The following ANKRD10 variants were observed in gnomAD, a reference collection of about 807,000 sequenced individuals.
ANKRD10 encodes ankyrin repeat domain-containing protein 10.
Under a neutral mutation model 27.0 loss-of-function variants are expected in ANKRD10, and 14 were observed. The observed-to-expected ratio is 0.52, with a 90% CI of 0.34 to 0.81. The LOEUF (loss-of-function observed/expected upper bound fraction) is 0.81, where lower values mean the gene tolerates loss of function less well. Ranked by LOEUF, ANKRD10 falls within the 40% of genes least tolerant of loss-of-function variation. The pLI, the probability that ANKRD10 is intolerant of heterozygous loss-of-function variation, is 0.01. For synonymous variants in ANKRD10, 250 were observed against 224.5 expected (o/e 1.11, Z -1.01); for missense variants, 493 against 544.0 (o/e 0.91, Z 0.93).
intron 3 of ANKRD10, among the ~76,000 whole-genome samples, chr13:110,893,612 C>A (rs1049842179): frequency 2.6e-5 from 4 of 152,204 alleles, no homozygotes; most frequent in African/African-American, 7.2e-5. Context: ...AATTTTAATA[C>A]CCATTCCTTT....
chr13:110,914,238 G>T (rs1460082855), intron 1 of ANKRD10, among the ~76,000 whole-genome samples: 3 of 152,152 alleles, frequency 2.0e-5, no homozygotes, highest in Non-Finnish European at 4.4e-5. Flanking sequence ...CCAGAAGGTC[G>T]ACCGCGCCCG....
Position 110,914,414 on chromosome 13 carries a change from G to A in ANKRD10, c.210+311C>T, listed in dbSNP as rs189871095. 2.4e-3 allele frequency: 521 copies of A among 218,894 alleles called. 2 individuals are homozygous for A. Among genetic ancestry groups the A allele is most frequent in the Non-Finnish European group, 3.7e-3 (410 of 112,176 alleles). The allele number at this position is 218,894 out of a possible 1,614,324, so 13.6% of individuals were successfully genotyped here. ...CGCTCGCACAGGATCCGGCCAACAG[G>A]CGCCGGGACCCTTGGAGCCCGCCTT... On this transcript the variant is annotated intron_variant, in intron 1 of 5. Transcript: ENST00000267339.
At chr13:110,901,703 C>T (rs2065385007) in intron 3 of ANKRD10, among the ~76,000 whole-genome samples, 2 of 152,222 alleles carry the variant, frequency 1.3e-5, no homozygotes, top group African/African-American at 4.8e-5. Context: ...AACACCTTAA[C>T]AACCGGAAAA....
At chr13:110,886,921 C>G (rs1370064290) in intron 4 of ANKRD10, among the ~76,000 whole-genome samples, 1 of 152,198 alleles carries the variant, frequency 6.6e-6, no homozygotes, top group Non-Finnish European at 1.5e-5. Context: ...ACTGTAAAAG[C>G]AGGTGTCAGG....
At chr13:110,889,628 G>A (rs1365580288) in intron 4 of ANKRD10, among the ~76,000 whole-genome samples, 1 of 152,196 alleles carries the variant, frequency 6.6e-6, no homozygotes, top group Non-Finnish European at 1.5e-5. Context: ...ATACTTGAAA[G>A]TAGTTTACTA....
At chr13:110,901,381 A>G (rs2065375900) in intron 3 of ANKRD10, among the ~76,000 whole-genome samples, 1 of 152,222 alleles carries the variant, frequency 6.6e-6, no homozygotes. Context: ...TTGAACCAAA[A>G]TTATGTTTTC....
At position 110,914,779 on chromosome 13, in the gene ANKRD10, A is replaced by C. The variant is rs551713195; in HGVS notation, c.156T>G (p.Ser52=). Residue 52 remains serine (S), a synonymous_variant, in exon 1 of 6, where the codon TCT becomes TCG. Transcript: ENST00000267339. ...GCGTCCAGCCATAGAAGGAGTCCTC[A>C]GAGGCCAGGTGGGCGTGGGGTGTCT... ...LQQTPHAHLA[S]EDSFYGWTPV... 3 of 1,598,882 alleles carry C rather than the reference A, an allele frequency of 1.9e-6. No individual in the cohort carries two copies. Among genetic ancestry groups the C allele is most frequent in the Admixed American group, 1.7e-5 (1 of 58,404 alleles).
chr13:110,891,680 ACT>A (rs1274785062), intron 4 of ANKRD10, among the ~76,000 whole-genome samples: 1 of 152,112 alleles, frequency 6.6e-6, no homozygotes, highest in East Asian at 1.9e-4. Flanking sequence ...TAAGTGATTA[ACT>A]GATAGTCACT....
chr13:110,905,891 A>AC, intron 3 of ANKRD10, 142 bp downstream of exon 3: 1 of 687,298 alleles, frequency 1.5e-6, no homozygotes. Context: ...TTCCTCACTA[A>AC]CACCAACTGT....
intron 5 of ANKRD10, 102 bp from the exon 6 acceptor site, chr13:110,880,214 CTTT>C (rs199678096): frequency 2.0e-6 from 2 of 994,062 alleles, no homozygotes; most frequent in East Asian, 2.6e-5. Context: ...ATTTTAGTTT[CTTT>C]TTTTTCCTTT....
Position 110,892,945 on chromosome 13 carries a change from G to A in ANKRD10, c.691+83C>T, listed in dbSNP as rs996600098. 4.5e-6 allele frequency: 7 copies of A among 1,547,842 alleles called. No individual in the cohort carries two copies. In the South Asian group the frequency reaches 7.6e-5, roughly 17 times the overall value. The stretch of plus-strand genomic sequence containing the variant: ...CCACCTGAAGTGAAGGTCTCATCTC[G>A]AAGGTGCGCTCAGCCATAAAAAGAA... On this transcript the variant is annotated intron_variant, in intron 4 of 5. Coordinates refer to ENST00000267339, the MANE Select transcript of ANKRD10 (RefSeq NM_017664.4).
chr13:110,894,297 C>A, intron 3 of ANKRD10: 1 of 681,942 alleles, frequency 1.5e-6, no homozygotes, highest in Non-Finnish European at 2.5e-6. Flanking sequence ...GTTCAGCAAG[C>A]TACACTACAT....
chr13:110,900,993 C>G (rs1204121639), intron 3 of ANKRD10, among the ~76,000 whole-genome samples: 1 of 152,064 alleles, frequency 6.6e-6, no homozygotes, highest in Admixed American at 6.5e-5. Flanking sequence ...ATAAGTTTAA[C>G]AGTATGGACT....
At chr13:110,894,069 GAA>G (rs1566464988) in intron 3 of ANKRD10, 12 of 1,406,670 alleles carry the variant, frequency 8.5e-6, no homozygotes, top group South Asian at 1.2e-5. Flanking sequence ...CAGAGTAAGT[GAA>G]AGAGCTGAAT....
chr13:110,892,604 G>A lies in ANKRD10; in HGVS notation c.691+424C>T, dbSNP rs576263958. 16 of 479,934 alleles carry A rather than the reference G, an allele frequency of 3.3e-5. No homozygotes were observed. The East Asian group carries it at 7.1e-4, about 21-fold the overall frequency. 29.7% of individuals were successfully genotyped at this position (479,934 alleles called of 1,614,324 possible). A position where few individuals can be genotyped will look rare whatever the true frequency, so the allele number is the denominator to read the frequency against. The stretch of plus-strand genomic sequence containing the variant: ...TAGTACAGAAAACATTCACCTTCCC[G>A]AATGTGAAAATGTTTTACTGCCAGA... On this transcript the variant is annotated intron_variant, in intron 4 of 5. Coordinates refer to ENST00000267339, the MANE Select transcript of ANKRD10 (RefSeq NM_017664.4).
chr13:110,891,174 TGACATACAGG>T lies in ANKRD10; in HGVS notation c.691+1844_691+1853del, dbSNP rs552304295. ...TTTCAAGGACATTTAGACTATACAG[TGACATACAGG>T]GACAGACATGTACAATTCGTGCATG... On this transcript the variant is annotated intron_variant, in intron 4 of 5. Transcript: ENST00000267339. Among the ~76,000 whole-genome samples, 225 of 152,260 alleles carry T rather than the reference TGACATACAGG, an allele frequency of 1.5e-3. No homozygotes were observed. The Middle Eastern group carries it at 0.027, about 18-fold the overall frequency.
intron 4 of ANKRD10, among the ~76,000 whole-genome samples, chr13:110,891,088 A>T (rs2065060782): frequency 6.6e-6 from 1 of 152,202 alleles, no homozygotes. Context: ...ATCTCTTTTT[A>T]AAAATACTAA....
intron 2 of ANKRD10, among the ~76,000 whole-genome samples, 173 bp downstream of exon 2, chr13:110,910,445 T>C (rs996710980): frequency 1.3e-5 from 2 of 152,188 alleles, no homozygotes; most frequent in Non-Finnish European, 2.9e-5. Context: ...AGCATTCCTA[T>C]GGAAAGGGCC....
intron 4 of ANKRD10, among the ~76,000 whole-genome samples, chr13:110,890,275 T>C (rs752838114): frequency 3.9e-5 from 6 of 152,132 alleles, no homozygotes; most frequent in Non-Finnish European, 8.8e-5. Context: ...ATTCAGGTAA[T>C]TGGCAGAAAA....
Sources: allele counts gnomAD v4.1 joint callset (sites outside exome capture counted in the v4.1 genomes callset), GRCh38; gene constraint gnomAD v4.1.1; transcripts MANE v1.5; gene names NCBI Gene and HGNC (gene_info 2026-07-23, HGNC 2026-07-21).